GABPA: variants seen among roughly 807,000 people sequenced by gnomAD.
GABPA encodes the protein GA-binding protein alpha chain.
Under a neutral mutation model 59.4 loss-of-function variants are expected in GABPA, and 4 were observed. That is an observed-to-expected ratio of 0.07 (90% CI 0.03 to 0.15). The LOEUF (loss-of-function observed/expected upper bound fraction) is 0.15. GABPA is among the 10% of genes least tolerant of loss of function. The pLI, the probability that GABPA is intolerant of heterozygous loss-of-function variation, is 1.00. For missense variants in GABPA, 251 were observed against 543.8 expected (o/e 0.46, Z 5.36); for synonymous variants, 164 against 183.1 (o/e 0.90, Z 0.84).
chr21:25,738,094 A>G (rs2035126766), intron 1 of GABPA, among the ~76,000 whole-genome samples: 2 of 152,202 alleles, frequency 1.3e-5, no homozygotes, highest in South Asian at 4.1e-4. Flanking sequence ...TATAGGTATG[A>G]GTATGCTTGA....
chr21:25,766,757 G>C (rs71651647), intron 9 of GABPA, among the ~76,000 whole-genome samples: 1 of 151,974 alleles, frequency 6.6e-6, no homozygotes, highest in East Asian at 1.9e-4. Flanking sequence ...AATGTAAATT[G>C]TAACAGTTGC....
chr21:25,765,137 A>C lies in GABPA; in HGVS notation c.1136+350A>C, dbSNP rs538206432. On this transcript the variant is annotated intron_variant, in intron 9 of 9. Transcript: ENST00000400075. ...ACTGTCCTCTGTTTTTACAATTACA[A>C]GCAGAATATTGACCCATTTTCTACA... Among the ~76,000 whole-genome samples the C allele has an allele frequency of 5.9e-4, 90 of 152,158 alleles. 1 individual carries two copies. The highest frequency in any genetic ancestry group is 1.1e-3 in the Non-Finnish European group (74 of 67,958).
chr21:25,755,275 T>C (rs1354414262), intron 5 of GABPA, among the ~76,000 whole-genome samples: 2 of 151,826 alleles, frequency 1.3e-5, no homozygotes, highest in African/African-American at 4.8e-5. Flanking sequence ...ATAGCCAGAC[T>C]GTCTCCAAAA....
chr21:25,737,628 G>C (rs2035114358), intron 1 of GABPA, among the ~76,000 whole-genome samples: 1 of 152,186 alleles, frequency 6.6e-6, no homozygotes, highest in South Asian at 2.1e-4. Context: ...GGGAGCCCCA[G>C]GTGTCCCTGC....
chr21:25,770,354 A>G lies in GABPA; in HGVS notation c.*1122A>G, dbSNP rs1001385055. On this transcript the variant is annotated 3_prime_UTR_variant, in exon 10 of 10. Transcript: ENST00000400075. The stretch of plus-strand genomic sequence containing the variant: ...ATATTCAGTTGATCATTTTATAAAC[A>G]TATGAAGGCATAAAGATATACAGAA... 1 of 152,158 alleles carries G rather than the reference A, an allele frequency of 6.6e-6. No homozygotes were observed. The highest frequency in any genetic ancestry group is 1.5e-5 in the Non-Finnish European group (1 of 67,966). The allele number at this position is 152,158 out of a possible 1,614,324, so 9.4% of individuals were successfully genotyped here. A position where few individuals can be genotyped will look rare whatever the true frequency, so the allele number is the denominator to read the frequency against.
intron 1 of GABPA, among the ~76,000 whole-genome samples, 200 bp from the exon 2 acceptor site, chr21:25,741,373 A>C (rs1277137895): frequency 6.6e-6 from 1 of 151,886 alleles, no homozygotes; most frequent in Non-Finnish European, 1.5e-5. Context: ...GGCTCAAGCA[A>C]TCTGCCTGCC....
rs2035678818 is a variant in GABPA, at chr21:25,758,066, G to A, written c.610G>A (p.Glu204Lys). ...VLHWVVWVMK[E>K]FSMTDIDLTT... ...GCATTGGGTGGTTTGGGTAATGAAG[G>A]AATTCAGCATGACCGATATAGACCT... The change falls in exon 6 of 10, where the codon GAA (glutamate) becomes AAA (lysine). Residue 204 changes from glutamate (E) to lysine (K), a missense_variant. Around this residue, in one of 4 missense-constraint regions of GABPA, gnomAD observed 207 missense variants for 366.7 expected, o/e 0.56. Transcript: ENST00000400075. 1.2e-6 allele frequency: 2 copies of A among 1,606,064 alleles called. No individual in the cohort carries two copies. The highest frequency in any genetic ancestry group is 1.7e-6 in the Non-Finnish European group (2 of 1,177,134).
chr21:25,749,943 G>A (rs530179561), intron 4 of GABPA, among the ~76,000 whole-genome samples: 4 of 152,314 alleles, frequency 2.6e-5, no homozygotes, highest in East Asian at 1.9e-4. Context: ...TTGGGGCAGG[G>A]GAATTCAAGC....
chr21:25,739,547 G>A (rs960789247), intron 1 of GABPA, among the ~76,000 whole-genome samples: 1 of 152,002 alleles, frequency 6.6e-6, no homozygotes, highest in African/African-American at 2.4e-5. Flanking sequence ...CAGCTAACCG[G>A]CAGATCTTCA....
At chr21:25,768,417 A>AAG (rs1444943725) in intron 9 of GABPA, among the ~76,000 whole-genome samples, 1 of 152,056 alleles carries the variant, frequency 6.6e-6, no homozygotes, top group African/African-American at 2.4e-5. Flanking sequence ...CAAGACAGAA[A>AAG]AGAAGTGGAA....
intron 6 of GABPA, 122 bp from the exon 7 acceptor site, chr21:25,762,190 G>C: frequency 1.8e-6 from 1 of 555,274 alleles, no homozygotes; most frequent in East Asian, 2.9e-5. Flanking sequence ...TCAGTTCAGT[G>C]TTTTGGTTTT....
At chr21:25,751,821 G>T (rs66996867) in intron 4 of GABPA, among the ~76,000 whole-genome samples, 168 bp from the exon 5 acceptor site, 18,785 of 151,976 alleles carry the variant, frequency 0.12, 1,290 homozygotes, top group East Asian at 0.3. Context: ...ACTAGTAAAA[G>T]AATTCTTGAA....
intron 3 of GABPA, 91 bp downstream of exon 3, chr21:25,745,445 A>G (rs945551277): frequency 3.7e-5 from 45 of 1,200,494 alleles, no homozygotes; most frequent in Middle Eastern, 4.0e-4. Context: ...TATAGACTTT[A>G]TCTCTGTAAG....
intron 8 of GABPA, 60 bp downstream of exon 8, chr21:25,764,410 G>A (rs2035841426): frequency 6.8e-7 from 1 of 1,476,846 alleles, no homozygotes; most frequent in African/African-American, 1.4e-5. Context: ...ATATTTTGTT[G>A]TATTTTACTG....
At chr21:25,743,018 C>T (rs368894059) in intron 2 of GABPA, among the ~76,000 whole-genome samples, 3 of 151,886 alleles carry the variant, frequency 2.0e-5, no homozygotes, top group African/African-American at 2.4e-5. Context: ...GGATCTGTCT[C>T]GGGTATTTCA....
rs1374917532 is a variant in GABPA at position 25,752,186 on chromosome 21, G to T, written c.505G>T (p.Ala169Ser). 6.2e-7 allele frequency: 1 copy of T among 1,612,632 alleles called. No homozygotes were observed. Among genetic ancestry groups the T allele is most frequent in the African/African-American group, 1.3e-5 (1 of 74,794 alleles). The change falls in exon 5 of 10, where the codon GCA (alanine) becomes TCA (serine). Residue 169 changes from alanine (A) to serine (S), a missense_variant. This residue lies in a region of GABPA where 207 missense variants were observed against 366.7 expected (regional missense o/e 0.56). Coordinates refer to ENST00000400075, the MANE Select transcript of GABPA (RefSeq NM_002040.4). Reference sequence around the variant, plus strand: ...AGAACAAGTGACAAGATGGGCTGCTGCACTGGAAGGCTATAGGAAAGAACA... The same window carrying T: ...AGAACAAGTGACAAGATGGGCTGCTTCACTGGAAGGCTATAGGAAAGAACA... ...TSEQVTRWAA[A>S]LEGYRKEQER... is the part of the protein sequence containing the mutation.
At chr21:25,759,064 C>G (rs1048101012) in intron 6 of GABPA, among the ~76,000 whole-genome samples, 2 of 151,580 alleles carry the variant, frequency 1.3e-5, no homozygotes, top group African/African-American at 4.9e-5. Context: ...GCAAGAGTCT[C>G]AATTGGAAAA....
chr21:25,767,098 T>C (rs2035908672), intron 9 of GABPA, among the ~76,000 whole-genome samples: 1 of 151,886 alleles, frequency 6.6e-6, no homozygotes, highest in African/African-American at 2.4e-5. Context: ...TAGGGATGCA[T>C]GTTTGGGTGA....
intron 4 of GABPA, among the ~76,000 whole-genome samples, chr21:25,751,302 TAAATCA>T (rs1017899947): frequency 2.6e-5 from 4 of 151,440 alleles, no homozygotes; most frequent in African/African-American, 7.2e-5. Context: ...TATCCAGAAT[TAAATCA>T]AAATCAGAAT....
Sources: allele counts gnomAD v4.1 joint callset (sites outside exome capture counted in the v4.1 genomes callset), GRCh38; gene constraint gnomAD v4.1.1; regional missense constraint gnomAD v4.1.1; transcripts MANE v1.5; gene names NCBI Gene and HGNC (gene_info 2026-07-23, HGNC 2026-07-21).